The following ATG16L2 variants were observed in gnomAD, a reference collection of about 807,000 sequenced individuals.
ATG16L2 encodes protein Atg16l2.
ATG16L2 carries 77 observed loss-of-function variants against 84.7 expected under a neutral mutation model. That is an observed-to-expected ratio of 0.91 (90% CI 0.76 to 1.10). ATG16L2 has a LOEUF of 1.10. ATG16L2 is among the 50% of genes least tolerant of loss of function. ATG16L2 has a pLI of 0.00. For missense variants in ATG16L2, 782 were observed against 817.6 expected (o/e 0.96, Z 0.53); for synonymous variants, 361 against 342.8 (o/e 1.05, Z -0.59).
downstream of ATG16L2, among the ~76,000 whole-genome samples, chr11:72,830,828 C>T (rs1860591510): frequency 6.6e-6 from 1 of 152,216 alleles, no homozygotes; most frequent in Non-Finnish European, 1.5e-5. Context: ...TGATGTCTCA[C>T]TATGTTGCCC....
chr11:72,838,884 A>C (rs1591325482), intron 5 of ATG16L2: 1 of 1,602,538 alleles, frequency 6.2e-7, no homozygotes, highest in South Asian at 1.1e-5. Flanking sequence ...CCTGAGCAGG[A>C]AACAATTACG....
intron 5 of ATG16L2, among the ~76,000 whole-genome samples, chr11:72,841,748 C>T (rs1860960576): frequency 6.6e-6 from 1 of 152,190 alleles, no homozygotes; most frequent in Admixed American, 6.5e-5. Context: ...CCACCTCAAG[C>T]TCCAATTTTG....
chr11:72,821,622 G>T (rs1427852925), intron 3 of ATG16L2, 46 bp from the exon 4 acceptor site: 2 of 1,515,626 alleles, frequency 1.3e-6, no homozygotes, highest in Non-Finnish European at 1.8e-6. Context: ...GGGACTGGAG[G>T]CCTGGAGGGG....
intron 7 of ATG16L2, 67 bp from the exon 8 acceptor site, chr11:72,823,993 A>C (rs998162044): frequency 3.2e-6 from 5 of 1,566,588 alleles, no homozygotes; most frequent in Non-Finnish European, 4.4e-6. Context: ...AAGTGTGGAG[A>C]TGATGGACAG....
intron 5 of ATG16L2, among the ~76,000 whole-genome samples, chr11:72,841,137 C>T (rs61049260): frequency 0.016 from 2,424 of 152,134 alleles, 63 homozygotes; most frequent in African/African-American, 0.056. Context: ...CACTGCACTC[C>T]AGCCTGGGTG....
At position 72,827,294 on chromosome 11, in the gene ATG16L2, G is replaced by A. The variant is rs768531673; in HGVS notation, c.1472+1G>A. On this transcript the variant is annotated splice_donor_variant, in intron 14 of 17. Coordinates refer to ENST00000321297, the MANE Select transcript of ATG16L2 (RefSeq NM_033388.2). LOFTEE classifies it high-confidence loss of function. ...AGAAGATCCGGTTCTGGGACAGCAG[G>A]TGACAGGCGCAGGCTGGGGGAGGAC... The A allele has an allele frequency of 1.2e-6, 2 of 1,612,808 alleles. No individual in the cohort carries two copies. The highest frequency in any genetic ancestry group is 2.2e-5 in the East Asian group (1 of 44,874).
At chr11:72,830,741 T>G (rs1860588769), downstream of ATG16L2, among the ~76,000 whole-genome samples, 1 of 152,188 alleles carries the variant, frequency 6.6e-6, no homozygotes. Flanking sequence ...CTGGAGCCCT[T>G]TGGATGTGAC....
chr11:72,823,599 G>T (rs1238406107), intron 7 of ATG16L2: 2 of 427,114 alleles, frequency 4.7e-6, no homozygotes, highest in South Asian at 3.4e-5. Flanking sequence ...AAACCGTGGG[G>T]AGGGGCATGA....
At chr11:72,817,968 T>A in intron 3 of ATG16L2, 113 bp downstream of exon 3, 1 of 984,824 alleles carries the variant, frequency 1.0e-6, no homozygotes, top group Non-Finnish European at 1.5e-6. Context: ...CTGCAAGCAT[T>A]GAGTGAGCCC....
chr11:72,826,089 C>G, intron 10 of ATG16L2, 84 bp from the exon 11 acceptor site: 1 of 1,168,960 alleles, frequency 8.6e-7, no homozygotes, highest in Non-Finnish European at 1.2e-6. Context: ...GGGGCGGGAA[C>G]TGATCTTCCG....
chr11:72,835,980 T>G (rs1368960655), intron 5 of ATG16L2, among the ~76,000 whole-genome samples: 1 of 152,228 alleles, frequency 6.6e-6, no homozygotes, highest in Non-Finnish European at 1.5e-5. Context: ...ACTCCTGACC[T>G]CAAGTGATCT....
intron 5 of ATG16L2, chr11:72,841,373 A>AT: frequency 2.6e-6 from 2 of 760,580 alleles, no homozygotes; most frequent in Non-Finnish European, 4.0e-6. Flanking sequence ...AAGCAAATGC[A>AT]GTTTTTTTTT....
chr11:72,837,450 G>C (rs962798349), intron 5 of ATG16L2: 2 of 148,758 alleles, frequency 1.3e-5, no homozygotes, highest in Admixed American at 6.7e-5. Flanking sequence ...CTGCAAATTT[G>C]ATTTCTTAAC....
chr11:72,830,357 G>A (rs555968159), downstream of ATG16L2, among the ~76,000 whole-genome samples: 5 of 152,238 alleles, frequency 3.3e-5, no homozygotes, highest in African/African-American at 1.2e-4. Flanking sequence ...CGTTCCTCCT[G>A]CACCCCATGT....
chr11:72,828,697 T>A (rs1353340948), intron 15 of ATG16L2, 32 bp from the exon 16 acceptor site: 18 of 1,613,684 alleles, frequency 1.1e-5, no homozygotes, highest in Admixed American at 1.7e-5. Flanking sequence ...AGTGATGACC[T>A]CTGTTCTGAC....
Position 72,828,342 on chromosome 11 carries a change from CTGTCCT to C in ATG16L2, c.1473-13_1473-8del. On this transcript the variant is annotated splice_polypyrimidine_tract_variant and intron_variant, in intron 14 of 17. Transcript: ENST00000321297. The stretch of plus-strand genomic sequence containing the variant: ...GCTAGGCTGTTCCTCATCCCTGTCT[CTGTCCT>C]TGTTCCTCAGGGGGCCCCACTGCAC... 1 of 1,613,894 alleles carries C rather than the reference CTGTCCT, an allele frequency of 6.2e-7. No homozygotes were observed. Among genetic ancestry groups the C allele is most frequent in the South Asian group, 1.1e-5 (1 of 91,080 alleles).
At position 72,829,610 on chromosome 11, in the gene ATG16L2, C is replaced by A; in HGVS notation, c.*220C>A. ...ATCTCTATCTCCTCACTTTTTCTCC[C>A]AAAGTAGAAAAAAATGATATCTGAA... On this transcript the variant is annotated 3_prime_UTR_variant, in exon 18 of 18. Coordinates refer to ENST00000321297, the MANE Select transcript of ATG16L2 (RefSeq NM_033388.2). 1 of 1,351,992 alleles carries A rather than the reference C, an allele frequency of 7.4e-7. No individual in the cohort carries two copies. Among genetic ancestry groups the A allele is most frequent in the Non-Finnish European group, 9.5e-7 (1 of 1,051,470 alleles). The allele number at this position is 1,351,992 out of a possible 1,614,324, so 83.7% of individuals were successfully genotyped here. A position where few individuals can be genotyped will look rare whatever the true frequency, so the allele number is the denominator to read the frequency against.
In ATG16L2 at chr11:72,829,330, C is replaced by T. The variant is rs1860546040; in HGVS notation, c.1800C>T (p.Cys600=). The T allele has an allele frequency of 6.2e-7, 1 of 1,613,082 alleles. No homozygotes were observed. Among genetic ancestry groups the T allele is most frequent in the South Asian group, 1.1e-5 (1 of 91,054 alleles). The change falls in exon 18 of 18, where the codon TGC becomes TGT. Residue 600 remains cysteine (C), a synonymous_variant. Transcript: ENST00000321297. The stretch of plus-strand genomic sequence containing the variant: ...CTGCCGTCAACGCCGTGGCCTGGTG[C>T]TACTCCGGGAGCCACATGGTGAGCG... ...HCAAVNAVAW[C]YSGSHMVSVD... is the part of the protein sequence containing the mutation.
At chr11:72,836,737 A>G (rs1378322274) in intron 5 of ATG16L2, 1 of 152,666 alleles carries the variant, frequency 6.6e-6, no homozygotes, top group African/African-American at 2.4e-5. Flanking sequence ...ATTAAAACTT[A>G]GAAAACATAA....
Sources: gnomAD v4.1 joint callset for allele counts (sites outside exome capture counted in the v4.1 genomes callset) on GRCh38, gnomAD v4.1.1 for gene constraint, MANE v1.5 for transcripts, NCBI Gene and HGNC (gene_info 2026-07-23, HGNC 2026-07-21) for gene names.